Variants in SHISA6 observed in about 807,000 individuals in gnomAD.
The protein encoded by SHISA6 is protein shisa-6.
SHISA6 carries 22 observed loss-of-function variants against 47.9 expected under a neutral mutation model. The ratio of observed to expected loss-of-function variants is 0.46; its 90% CI spans 0.33 to 0.66. The LOEUF is 0.66. Among genes scored for constraint, SHISA6 ranks in the 30% least tolerant of loss-of-function variants. The pLI is 0.02. For missense variants in SHISA6, 680 were observed against 764.6 expected, an observed-to-expected ratio of 0.89 and a Z score of 1.30; for synonymous variants, 388 against 337.8, an observed-to-expected ratio of 1.15 and a Z score of -1.63.
At chr17:11,372,069 T>G (rs1912645480) in intron 2 of SHISA6, among the ~76,000 whole-genome samples, 1 of 152,200 alleles carries the variant, frequency 6.6e-6, no homozygotes, top group African/African-American at 2.4e-5. Context: ...GTCTTGCTTT[T>G]TTGTTGTTGT....
chr17:11,333,844 C>T (rs1207800952), intron 2 of SHISA6, among the ~76,000 whole-genome samples: 1 of 152,100 alleles, frequency 6.6e-6, no homozygotes, highest in Non-Finnish European at 1.5e-5. Context: ...CTACAAAAAC[C>T]CCTAAACAAT....
At chr17:11,437,620 G>T (rs878893724) in intron 3 of SHISA6, among the ~76,000 whole-genome samples, 6 of 152,192 alleles carry the variant, frequency 3.9e-5, no homozygotes, top group Admixed American at 3.9e-4. Flanking sequence ...TTAGCAGTCA[G>T]ATAGGAAGAT....
chr17:11,380,916 A>G (rs1381431324), intron 3 of SHISA6, among the ~76,000 whole-genome samples: 1 of 152,144 alleles, frequency 6.6e-6, no homozygotes, highest in African/African-American at 2.4e-5. Context: ...TCTTCACTGC[A>G]TGGTGCCTGG....
intron 3 of SHISA6, among the ~76,000 whole-genome samples, chr17:11,404,399 T>C: frequency 6.6e-6 from 1 of 152,156 alleles, no homozygotes. Flanking sequence ...CATGCCTGTA[T>C]ATCCCAAGAC....
intron 2 of SHISA6, among the ~76,000 whole-genome samples, chr17:11,276,180 G>A (rs1363299795): frequency 6.6e-6 from 1 of 152,074 alleles, no homozygotes; most frequent in Non-Finnish European, 1.5e-5. Context: ...GTTTCACCAT[G>A]TCGACCAGGC....
intron 2 of SHISA6, among the ~76,000 whole-genome samples, chr17:11,364,707 G>A (rs1912388187): frequency 2.0e-5 from 3 of 152,124 alleles, no homozygotes; most frequent in South Asian, 2.1e-4. Flanking sequence ...TTTCTCCTGG[G>A]TAAATTTTTA....
At chr17:11,359,490 G>C (rs2142227953) in intron 2 of SHISA6, among the ~76,000 whole-genome samples, 1 of 152,218 alleles carries the variant, frequency 6.6e-6, no homozygotes, top group Non-Finnish European at 1.5e-5. Context: ...CTCTCTCTCT[G>C]CATCAACTCT....
chr17:11,272,921 T>A (rs1908734498), intron 2 of SHISA6, among the ~76,000 whole-genome samples: 1 of 152,162 alleles, frequency 6.6e-6, no homozygotes, highest in African/African-American at 2.4e-5. Flanking sequence ...TGCCAGCTGT[T>A]TTCATGGCTG....
chr17:11,461,382 G>C (rs986340992), intron 3 of SHISA6, among the ~76,000 whole-genome samples: 2 of 123,856 alleles, frequency 1.6e-5, no homozygotes, highest in East Asian at 5.3e-4. Flanking sequence ...GGGCAACAGA[G>C]CAAGACTCCA....
chr17:11,256,976 C>T (rs1470919472), intron 1 of SHISA6, among the ~76,000 whole-genome samples: 1 of 152,206 alleles, frequency 6.6e-6, no homozygotes, highest in East Asian at 1.9e-4. Context: ...CGTGCCTTCC[C>T]TCACTGAGTC....
chr17:11,242,015 C>A lies in SHISA6; in HGVS notation c.593C>A (p.Ser198Tyr). The A allele has an allele frequency of 6.4e-7, 1 of 1,551,052 alleles. No individual in the cohort carries two copies. Among genetic ancestry groups the A allele is most frequent in the Non-Finnish European group, 8.7e-7 (1 of 1,147,006 alleles). Residue 198 changes from serine to tyrosine, a missense_variant, in exon 1 of 6, where the codon TCC (serine) becomes TAC (tyrosine). Physicochemically the swap from Ser to Tyr is moderately radical, Grantham distance 144 (BLOSUM62 -2). Coordinates refer to ENST00000441885, the MANE Select transcript of SHISA6 (RefSeq NM_207386.4). ...VIVAGVFAKV[S>Y]YDKAHRPPRE... ...GTGGCCGGCGTCTTCGCCAAGGTCT[C>A]CTACGACAAGGCCCACCGCCCTCCA...
intron 1 of SHISA6, among the ~76,000 whole-genome samples, chr17:11,258,201 G>A (rs1908090290): frequency 6.6e-6 from 1 of 152,184 alleles, no homozygotes; most frequent in Admixed American, 6.5e-5. Flanking sequence ...AAAAGAGAAA[G>A]GGCATGATTA....
chr17:11,252,264 A>G (rs1907840903), intron 1 of SHISA6, among the ~76,000 whole-genome samples: 1 of 151,406 alleles, frequency 6.6e-6, no homozygotes, highest in South Asian at 2.1e-4. Flanking sequence ...CTTCGCAAAC[A>G]CTCTCATTAT....
chr17:11,299,466 C>G (rs1320477882), intron 2 of SHISA6, among the ~76,000 whole-genome samples: 2 of 152,018 alleles, frequency 1.3e-5, no homozygotes, highest in Non-Finnish European at 2.9e-5. Flanking sequence ...TTAAACAACA[C>G]AAATTTATTC....
chr17:11,243,849 T>G (rs1567697445), intron 1 of SHISA6, among the ~76,000 whole-genome samples: 1 of 152,180 alleles, frequency 6.6e-6, no homozygotes, highest in Non-Finnish European at 1.5e-5. Context: ...ACATCTTTCT[T>G]TAAGTTACTT....
intron 2 of SHISA6, among the ~76,000 whole-genome samples, chr17:11,327,599 C>A (rs1910943448): frequency 6.6e-6 from 1 of 152,190 alleles, no homozygotes; most frequent in Non-Finnish European, 1.5e-5. Flanking sequence ...GAGTTCTATT[C>A]CAGACTGGCC....
chr17:11,455,336 T>A (rs1285919457), intron 3 of SHISA6, among the ~76,000 whole-genome samples: 8 of 152,066 alleles, frequency 5.3e-5, no homozygotes, highest in Non-Finnish European at 8.8e-5. Flanking sequence ...TTGAAATGAG[T>A]CAACATATGC....
chr17:11,413,892 G>GA (rs1366478096), intron 3 of SHISA6, among the ~76,000 whole-genome samples: 1 of 152,162 alleles, frequency 6.6e-6, no homozygotes, highest in South Asian at 2.1e-4. Context: ...CAGTCACAGT[G>GA]AAAAGAGATG....
chr17:11,273,285 C>T (rs985883910), intron 2 of SHISA6, among the ~76,000 whole-genome samples: 1 of 152,298 alleles, frequency 6.6e-6, no homozygotes, highest in South Asian at 2.1e-4. Flanking sequence ...ACAGACAGGG[C>T]CCCGGGAGCC....
Sources: allele counts gnomAD v4.1 joint callset (sites outside exome capture counted in the v4.1 genomes callset), GRCh38; gene constraint gnomAD v4.1.1; transcripts MANE v1.5; gene names NCBI Gene and HGNC (gene_info 2026-07-23, HGNC 2026-07-21).